The following SORCS1 variants were observed in gnomAD, a reference collection of about 807,000 sequenced individuals.
SORCS1 encodes sortilin related VPS10 domain containing receptor 1.
SORCS1 carries 60 observed loss-of-function variants against 146.1 expected under a neutral mutation model. That is an observed-to-expected ratio of 0.41 (90% CI 0.33 to 0.51). SORCS1 has a LOEUF of 0.51. Among genes scored for constraint, SORCS1 ranks in the 20% least tolerant of loss-of-function variants. The pLI is 0.21. For missense variants in SORCS1, 1,352 were observed against 1,487.6 expected (o/e 0.91, Z 1.50); for synonymous variants, 637 against 584.0 (o/e 1.09, Z -1.31).
chr10:106,802,141 T>C (rs1339363435), intron 3 of SORCS1, among the ~76,000 whole-genome samples: 3 of 152,234 alleles, frequency 2.0e-5, no homozygotes, highest in African/African-American at 7.2e-5. Flanking sequence ...AAGTTGCATA[T>C]GGAGAGTAAA....
chr10:107,168,410 A>G (rs1321431610), upstream of SORCS1, among the ~76,000 whole-genome samples: 1 of 152,142 alleles, frequency 6.6e-6, no homozygotes, highest in Non-Finnish European at 1.5e-5. Context: ...TTTTTTGTTA[A>G]TAACTTCCAA....
chr10:106,775,265 C>T (rs1309952427), intron 4 of SORCS1, among the ~76,000 whole-genome samples: 1 of 152,206 alleles, frequency 6.6e-6, no homozygotes, highest in African/African-American at 2.4e-5. Flanking sequence ...GCTGGTCAGG[C>T]TTCGCCTCTG....
chr10:106,706,202 GAAAGAAA>G (rs930721147), intron 8 of SORCS1, among the ~76,000 whole-genome samples: 6 of 136,818 alleles, frequency 4.4e-5, no homozygotes, highest in Middle Eastern at 3.8e-3. Flanking sequence ...AAGAAAGAAA[GAAAGAAA>G]AAAGAAAGAA....
At chr10:106,626,561 G>A (rs1848127058) in intron 19 of SORCS1, among the ~76,000 whole-genome samples, 1 of 152,052 alleles carries the variant, frequency 6.6e-6, no homozygotes. Context: ...AGTGTGACTC[G>A]GTTATGTTCT....
At chr10:107,129,809 C>T (rs904486707) in intron 1 of SORCS1, among the ~76,000 whole-genome samples, 11 of 152,274 alleles carry the variant, frequency 7.2e-5, no homozygotes, top group African/African-American at 2.6e-4. Flanking sequence ...ATTTTAGTTA[C>T]CCCATCACTC....
intron 1 of SORCS1, among the ~76,000 whole-genome samples, chr10:107,056,498 T>C (rs1346569733): frequency 6.6e-6 from 1 of 152,214 alleles, no homozygotes; most frequent in Admixed American, 6.5e-5. Context: ...GAGAATGAGG[T>C]GTCATGTATT....
chr10:106,888,224 T>C (rs892560992), intron 2 of SORCS1, among the ~76,000 whole-genome samples: 1 of 152,100 alleles, frequency 6.6e-6, no homozygotes, highest in Non-Finnish European at 1.5e-5. Flanking sequence ...AAAAGTAAAA[T>C]ACTATTGGCC....
intron 9 of SORCS1, among the ~76,000 whole-genome samples, chr10:106,690,306 G>C (rs1853200524): frequency 1.3e-5 from 2 of 152,150 alleles, no homozygotes; most frequent in Admixed American, 6.5e-5. Context: ...AAGTCATACT[G>C]GTCCTTCCTC....
At position 107,060,297 on chromosome 10, in the gene SORCS1, C is replaced by CCCTCA. The variant is rs1336949908; in HGVS notation, c.558+103667_558+103671dup. Among the ~76,000 whole-genome samples the CCCTCA allele has an allele frequency of 6.6e-6, 1 of 152,102 alleles. No individual in the cohort carries two copies. Among genetic ancestry groups the CCCTCA allele is most frequent in the East Asian group, 1.9e-4 (1 of 5,198 alleles). ...ATAACACATCCAATAATCTGTTTTC[C>CCCTCA]CCTCATCTGTAAAAGTGGGGTACTA... On this transcript the variant is annotated intron_variant, in intron 1 of 25. Coordinates refer to ENST00000263054, the MANE Select transcript of SORCS1 (RefSeq NM_052918.5). The surrounding 1 kb of genome is among the most constrained non-coding windows in gnomAD (Gnocchi z 4.1).
At chr10:106,697,274 C>T (rs934448176) in intron 9 of SORCS1, among the ~76,000 whole-genome samples, 8 of 151,926 alleles carry the variant, frequency 5.3e-5, no homozygotes, top group East Asian at 1.9e-4. Context: ...ATCAGCCTGG[C>T]CAATATGGTG....
At chr10:106,942,452 C>T (rs181021585) in intron 2 of SORCS1, among the ~76,000 whole-genome samples, 3 of 152,316 alleles carry the variant, frequency 2.0e-5, no homozygotes, top group Admixed American at 6.5e-5. Flanking sequence ...AAAGCACAGT[C>T]ATGCTGACCC....
intron 2 of SORCS1, among the ~76,000 whole-genome samples, chr10:106,936,308 A>G (rs1479170777): frequency 6.6e-6 from 1 of 152,170 alleles, no homozygotes; most frequent in Non-Finnish European, 1.5e-5. Flanking sequence ...GTTGCTAACT[A>G]TTCCATGGAA....
intron 1 of SORCS1, among the ~76,000 whole-genome samples, chr10:106,973,195 C>G (rs1172420502): frequency 6.6e-6 from 1 of 152,174 alleles, no homozygotes; most frequent in East Asian, 1.9e-4. Context: ...CTTTCCTAAA[C>G]TGAAAATCAC....
intron 25 of SORCS1, chr10:106,577,771 G>A (rs928798657): frequency 5.9e-6 from 5 of 850,432 alleles, no homozygotes; most frequent in East Asian, 3.2e-5. Flanking sequence ...AGTAGACAGG[G>A]TGAATGCTTC....
At chr10:106,755,392 T>A (rs1460397770) in intron 5 of SORCS1, among the ~76,000 whole-genome samples, 1 of 152,220 alleles carries the variant, frequency 6.6e-6, no homozygotes, top group Non-Finnish European at 1.5e-5. Flanking sequence ...AGAATGGGGA[T>A]AATAACCGCT....
intron 18 of SORCS1, among the ~76,000 whole-genome samples, chr10:106,640,604 A>G (rs1280915538): frequency 6.6e-6 from 1 of 152,184 alleles, no homozygotes; most frequent in Non-Finnish European, 1.5e-5. Flanking sequence ...ATGCCTCCCA[A>G]ATCAGTTTTG....
rs2133164287 is a variant in SORCS1 at position 106,573,719 on chromosome 10, A to T, written c.*3701T>A. On this transcript the variant is annotated 3_prime_UTR_variant, in exon 26 of 26. Coordinates refer to ENST00000263054, the MANE Select transcript of SORCS1 (RefSeq NM_052918.5). ...GACATTGTATAGTTAATTGAAATGC[A>T]GGTAGAATTCAGGTAGTACATACAT... is the stretch of plus-strand genomic sequence containing the variant. 6.6e-6 allele frequency: 1 copy of T among 152,394 alleles called. No homozygotes were observed. The highest frequency in any genetic ancestry group is 2.4e-5 in the African/African-American group (1 of 41,592). 9.4% of individuals were successfully genotyped at this position (152,394 alleles called of 1,614,324 possible).
intron 2 of SORCS1, 50 bp downstream of exon 2, chr10:106,956,463 G>T: frequency 6.5e-7 from 1 of 1,539,668 alleles, no homozygotes; most frequent in Non-Finnish European, 9.0e-7. Flanking sequence ...GCAGTAGCAG[G>T]CATCATGCTT....
intron 1 of SORCS1, among the ~76,000 whole-genome samples, chr10:107,120,905 G>GA (rs1307187163): frequency 6.6e-6 from 1 of 151,968 alleles, no homozygotes; most frequent in Non-Finnish European, 1.5e-5. Flanking sequence ...AAAAAAGCAA[G>GA]AAAAAATGAT....
Sources: allele counts gnomAD v4.1 joint callset (sites outside exome capture counted in the v4.1 genomes callset), GRCh38; gene constraint gnomAD v4.1.1; non-coding constraint Gnocchi (gnomAD v3.1); transcripts MANE v1.5; gene names NCBI Gene and HGNC (gene_info 2026-07-23, HGNC 2026-07-21).